Variants in KYAT3 observed in about 807,000 individuals in gnomAD.
KYAT3 encodes kynurenine--oxoglutarate transaminase 3.
In KYAT3, 50 loss-of-function variants were observed where a neutral mutation model predicts 59.0. That is an observed-to-expected ratio of 0.85 (90% CI 0.68 to 1.07). The LOEUF is 1.07. KYAT3 is among the 50% of genes least tolerant of loss of function. KYAT3 has a pLI of 0.00. For synonymous variants in KYAT3, 148 were observed against 177.0 expected, an observed-to-expected ratio of 0.84 and a Z score of 1.30; for missense variants, 497 against 533.3, an observed-to-expected ratio of 0.93 and a Z score of 0.67.
At chr1:88,976,138 C>A (rs1676781002) in intron 2 of KYAT3, among the ~76,000 whole-genome samples, 1 of 151,988 alleles carries the variant, frequency 6.6e-6, no homozygotes. Context: ...GCAGGCGGAT[C>A]ACAAGGTCAG....
intron 2 of KYAT3, among the ~76,000 whole-genome samples, chr1:88,976,617 A>T (rs1038220727): frequency 1.3e-5 from 2 of 152,240 alleles, no homozygotes; most frequent in African/African-American, 4.8e-5. Flanking sequence ...TATTAAAAAA[A>T]AGTTGACTAT....
At position 88,949,019 on chromosome 1, in the gene KYAT3, T is replaced by G. The variant is rs964483767; in HGVS notation, c.1141+72A>C. 6.2e-6 allele frequency: 8 copies of G among 1,292,100 alleles called. No individual in the cohort carries two copies. In the African/African-American group the frequency reaches 1.2e-4, roughly 20 times the overall value. 80.0% of individuals were successfully genotyped at this position (1,292,100 alleles called of 1,614,324 possible). ...GCTGCTGTGGCTTTGACACCAATCTTTTCTCCATAATTCTGATATAATTTC... is the reference window on the plus strand; with the variant it reads ...GCTGCTGTGGCTTTGACACCAATCTGTTCTCCATAATTCTGATATAATTTC... On this transcript the variant is annotated intron_variant, in intron 11 of 13. Coordinates refer to ENST00000260508, the MANE Select transcript of KYAT3 (RefSeq NM_001008661.3).
intron 2 of KYAT3, among the ~76,000 whole-genome samples, chr1:88,978,891 A>G (rs1002090322): frequency 1.3e-5 from 2 of 150,386 alleles, no homozygotes; most frequent in South Asian, 4.2e-4. Context: ...CTGGCTTCAC[A>G]CAATCCTCTT....
intron 13 of KYAT3, among the ~76,000 whole-genome samples, chr1:88,940,310 G>C (rs953196940): frequency 6.6e-6 from 1 of 152,096 alleles, no homozygotes; most frequent in African/African-American, 2.4e-5. Flanking sequence ...GACCTCAAGT[G>C]ATCCTCCTGC....
chr1:88,921,661 G>C, the KYAT3 span, among the ~76,000 whole-genome samples: 1 of 152,164 alleles, frequency 6.6e-6, no homozygotes, highest in Non-Finnish European at 1.5e-5. Context: ...GAACCACTAG[G>C]ATGTGTAGAT....
chr1:88,975,324 T>C (rs539684590), intron 2 of KYAT3, among the ~76,000 whole-genome samples: 133 of 152,284 alleles, frequency 8.7e-4, no homozygotes, highest in African/African-American at 3.2e-3. Context: ...GCTAATTTTT[T>C]GTATTTTTAG....
chr1:88,991,965 A>G (rs1206824246), intron 1 of KYAT3, among the ~76,000 whole-genome samples: 1 of 145,184 alleles, frequency 6.9e-6, no homozygotes, highest in African/African-American at 2.5e-5. Flanking sequence ...GCAACGTAAC[A>G]GCCTTGGTAT....
intron 2 of KYAT3, among the ~76,000 whole-genome samples, chr1:88,972,919 A>T (rs140223077): frequency 1.3e-5 from 2 of 152,354 alleles, no homozygotes; most frequent in African/African-American, 4.8e-5. Context: ...GGGTTGGACC[A>T]TGCCCCCCTT....
chr1:88,961,082 G>T, intron 8 of KYAT3, 85 bp downstream of exon 8: 2 of 1,378,258 alleles, frequency 1.5e-6, no homozygotes, highest in Admixed American at 3.5e-5. Flanking sequence ...GACTGTTTTA[G>T]AGTTGGTCTG....
intron 13 of KYAT3, among the ~76,000 whole-genome samples, chr1:88,940,694 C>A (rs1362291436): frequency 1.3e-5 from 2 of 152,204 alleles, no homozygotes; most frequent in Non-Finnish European, 2.9e-5. Context: ...TTCAACATAG[C>A]TTTTAGCAAA....
chr1:88,935,142 C>T (rs1189027689), downstream of KYAT3, among the ~76,000 whole-genome samples: 3 of 151,012 alleles, frequency 2.0e-5, no homozygotes, highest in Admixed American at 6.6e-5. Context: ...TACAGGAATA[C>T]GCCACCACGC....
rs1676278614 is a variant in KYAT3 at position 88,964,821 on chromosome 1, ATACT to A, written c.453+4_453+7del. The A allele has an allele frequency of 8.2e-6, 13 of 1,578,948 alleles. No homozygotes were observed. In the East Asian group the frequency reaches 1.6e-4, roughly 19 times the overall value. On this transcript the variant is annotated splice_donor_5th_base_variant and intron_variant, in intron 5 of 13. Transcript: ENST00000260508. ...ATATGGGTATTACGATAATGTTAAT[ATACT>A]TACTTCATCTCCCTCATCAATTAAT...
At chr1:88,982,552 A>C (rs1367222423) in intron 2 of KYAT3, 1 of 1,451,406 alleles carries the variant, frequency 6.9e-7, no homozygotes, top group Non-Finnish European at 9.2e-7. Context: ...AAGGTAACAC[A>C]ATTTTTCCTT....
chr1:88,947,709 T>C (rs926656939), intron 11 of KYAT3, among the ~76,000 whole-genome samples: 3 of 152,168 alleles, frequency 2.0e-5, no homozygotes, highest in African/African-American at 4.8e-5. Flanking sequence ...GACCAAATTA[T>C]AGGAAAATCA....
chr1:88,967,085 T>G (rs968330981), intron 4 of KYAT3, among the ~76,000 whole-genome samples: 3 of 151,930 alleles, frequency 2.0e-5, no homozygotes, highest in African/African-American at 7.2e-5. Context: ...CACACACACA[T>G]GCACACACAC....
chr1:88,952,982 A>G, intron 10 of KYAT3, 81 bp downstream of exon 10: 1 of 852,942 alleles, frequency 1.2e-6, no homozygotes, highest in Non-Finnish European at 2.0e-6. Flanking sequence ...AAGGAGAATT[A>G]AGTCAATTCA....
chr1:88,963,071 T>C (rs1450874985), intron 5 of KYAT3, among the ~76,000 whole-genome samples: 2 of 152,046 alleles, frequency 1.3e-5, no homozygotes, highest in African/African-American at 2.4e-5. Flanking sequence ...CTAGAACTTA[T>C]ATCCTACTGA....
At chr1:88,951,121 C>T (rs1675651314) in intron 10 of KYAT3, among the ~76,000 whole-genome samples, 1 of 152,166 alleles carries the variant, frequency 6.6e-6, no homozygotes, top group Non-Finnish European at 1.5e-5. Flanking sequence ...ATCAGGGAGG[C>T]TTTCAAAGAT....
rs574049312 is a variant in KYAT3, at chr1:88,940,024, T to C, written c.1302+2981A>G. ...TTGTACCTTTCTCTTTTCCTTATAC[T>C]GTCCTATATAGATTCACAGTTGGTT... is the stretch of plus-strand genomic sequence containing the variant. On this transcript the variant is annotated intron_variant, in intron 13 of 13. Transcript: ENST00000260508. Among the ~76,000 whole-genome samples, 159 of 152,248 alleles carry C rather than the reference T, an allele frequency of 1.0e-3. 1 individual carries two copies. Among genetic ancestry groups the C allele is most frequent in the South Asian group, 6.8e-3 (33 of 4,826 alleles).
Sources: gnomAD v4.1 joint callset for allele counts (sites outside exome capture counted in the v4.1 genomes callset) on GRCh38, gnomAD v4.1.1 for gene constraint, MANE v1.5 for transcripts, NCBI Gene and HGNC (gene_info 2026-07-23, HGNC 2026-07-21) for gene names.